HP1BP3: variants seen among roughly 807,000 people sequenced by gnomAD.
HP1BP3 encodes the protein heterochromatin protein 1-binding protein 3.
HP1BP3 carries 12 observed loss-of-function variants against 62.5 expected under a neutral mutation model. That is an observed-to-expected ratio of 0.19 (90% CI 0.12 to 0.31). The LOEUF (loss-of-function observed/expected upper bound fraction) is 0.31. HP1BP3 is among the 10% of genes least tolerant of loss of function. The probability of loss-of-function intolerance (pLI) is 1.00; values close to 1 mark genes in which losing one functional copy is unlikely to be tolerated. For missense variants in HP1BP3, 502 were observed against 651.8 expected (o/e 0.77, Z 2.50); for synonymous variants, 260 against 237.8 (o/e 1.09, Z -0.86).
chr1:20,776,814 A>T, intron 3 of HP1BP3, 64 bp from the exon 4 acceptor site: 1 of 1,435,696 alleles, frequency 7.0e-7, no homozygotes, highest in Non-Finnish European at 9.4e-7. Flanking sequence ...AATAAAAGGT[A>T]AAAGCTTATC....
At chr1:20,745,508 T>G (rs1179361536) in intron 12 of HP1BP3, 35 bp downstream of exon 12, 1 of 1,607,248 alleles carries the variant, frequency 6.2e-7, no homozygotes, top group Non-Finnish European at 8.5e-7. Context: ...AGGTATTTAG[T>G]GTCCTCCCCA....
chr1:20,775,146 G>A (rs2057247252), intron 4 of HP1BP3: 1 of 152,104 alleles, frequency 6.6e-6, no homozygotes, highest in Admixed American at 6.5e-5. Context: ...GCCTCAAGCA[G>A]GTCCTTCAGA....
intron 8 of HP1BP3, among the ~76,000 whole-genome samples, chr1:20,760,637 G>A (rs2056412346): frequency 6.6e-6 from 1 of 151,892 alleles, no homozygotes; most frequent in South Asian, 2.1e-4. Context: ...AGGAATTTGA[G>A]ACCAGCCTGG....
intron 6 of HP1BP3, among the ~76,000 whole-genome samples, chr1:20,769,032 A>T (rs2056926655): frequency 6.6e-6 from 1 of 152,206 alleles, no homozygotes; most frequent in Non-Finnish European, 1.5e-5. Flanking sequence ...GACATGTTAC[A>T]CAACAGGTCC....
chr1:20,760,767 CG>C (rs2056421845), intron 8 of HP1BP3, among the ~76,000 whole-genome samples: 1 of 151,708 alleles, frequency 6.6e-6, no homozygotes, highest in South Asian at 2.1e-4. Context: ...ACCGAGGAGG[CG>C]GAGGTTGCAG....
intron 4 of HP1BP3, chr1:20,775,453 T>G (rs921990577): frequency 7.9e-5 from 12 of 152,216 alleles, no homozygotes; most frequent in African/African-American, 2.4e-4. Flanking sequence ...GTCCGGCTTG[T>G]GTCTTTGTTT....
intron 8 of HP1BP3, among the ~76,000 whole-genome samples, chr1:20,762,293 A>C (rs2056527680): frequency 6.6e-6 from 1 of 152,186 alleles, no homozygotes; most frequent in Admixed American, 6.5e-5. Context: ...CAACCCATCC[A>C]TTATCAGGTA....
At position 20,747,608 on chromosome 1, in the gene HP1BP3, T is replaced by C. The variant is rs776657444; in HGVS notation, c.1189A>G (p.Met397Val). 12 of 1,613,558 alleles carry C rather than the reference T, an allele frequency of 7.4e-6. No homozygotes were observed. In the South Asian group the frequency reaches 9.9e-5, roughly 13 times the overall value. Residue 397 changes from methionine (M) to valine (V), a missense_variant, in exon 11 of 13, where the codon ATG becomes GTG. Met to Val is a conservative substitution (Grantham distance 21, BLOSUM62 1). Transcript: ENST00000438032. The part of the protein sequence containing the change: ...TLQKCEKNGW[M>V]EQISGKGFSG... ...AACCCTTTCCCAGAGATCTGTTCCA[T>C]CCACCCATTCTTTTCGCATTTCTGC... is the stretch of plus-strand genomic sequence containing the variant.
chr1:20,778,142 G>A (rs1400386609), intron 3 of HP1BP3, among the ~76,000 whole-genome samples: 2 of 91,018 alleles, frequency 2.2e-5, no homozygotes, highest in East Asian at 3.2e-4. Context: ...GGGGTTTTAC[G>A]GTAGTAAGAC....
chr1:20,764,906 C>T (rs1033394009), intron 8 of HP1BP3, among the ~76,000 whole-genome samples: 161 of 149,208 alleles, frequency 1.1e-3, no homozygotes, highest in African/African-American at 3.6e-3. Context: ...CAGCGGCTCA[C>T]GCCTGTAATC....
Position 20,780,504 on chromosome 1 carries a change from A to G in HP1BP3, c.-64T>C. 2.6e-6 allele frequency: 3 copies of G among 1,145,606 alleles called. No homozygotes were observed. Among genetic ancestry groups the G allele is most frequent in the Non-Finnish European group, 4.0e-6 (3 of 757,000 alleles). 71.0% of individuals were successfully genotyped at this position (1,145,606 alleles called of 1,614,324 possible). On this transcript the variant is annotated 5_prime_UTR_variant, in exon 2 of 13. Transcript: ENST00000438032. ...GAAGCCTCTGCTGTTAACCACAAGG[A>G]TTTTTCCTAATGGTTTCAGTGTGGT... is the stretch of plus-strand genomic sequence containing the variant.
intron 9 of HP1BP3, among the ~76,000 whole-genome samples, chr1:20,753,087 A>G (rs1329530299): frequency 6.6e-6 from 1 of 152,070 alleles, no homozygotes; most frequent in Non-Finnish European, 1.5e-5. Flanking sequence ...GATTGCAGGC[A>G]TGTGCCACCA....
rs2055220882 is a variant in HP1BP3, at chr1:20,745,018, G to GTGCA, written c.1437_1440dup (p.Pro481CysfsTer3). 1 of 1,614,036 alleles carries GTGCA rather than the reference G, an allele frequency of 6.2e-7. No homozygotes were observed. Among genetic ancestry groups the GTGCA allele is most frequent in the African/African-American group, 1.3e-5 (1 of 74,922 alleles). ...CCCCGCTGGGCAGCTGAGACTTTAG[G>GTGCA]TGCAGGTTTGGACCCTCTCTGCTTC... On this transcript the variant is annotated frameshift_variant, in exon 13 of 13. Coordinates refer to ENST00000438032, the MANE Select transcript of HP1BP3 (RefSeq NM_001372052.1). LOFTEE classifies it high-confidence loss of function.
chr1:20,781,272 A>T (rs1047047181), intron 1 of HP1BP3, among the ~76,000 whole-genome samples: 11 of 150,636 alleles, frequency 7.3e-5, no homozygotes, highest in African/African-American at 2.2e-4. Context: ...CCTCAATATA[A>T]AAAAAAAAGA....
At position 20,750,093 on chromosome 1, in the gene HP1BP3, T is replaced by C. The variant is rs2055614218; in HGVS notation, c.982-211A>G. 4 of 923,748 alleles carry C rather than the reference T, an allele frequency of 4.3e-6. No homozygotes were observed. In the South Asian group the frequency reaches 8.8e-5, roughly 20 times the overall value. The allele number at this position is 923,748 out of a possible 1,614,324, so 57.2% of individuals were successfully genotyped here. A position where few individuals can be genotyped will look rare whatever the true frequency, so the allele number is the denominator to read the frequency against. The stretch of plus-strand genomic sequence containing the variant: ...AACCCTCCTATGGATATTTTCTCCT[T>C]CCATCTACCCTCCATCCACCCTAAA... On this transcript the variant is annotated intron_variant, in intron 9 of 12. Coordinates refer to ENST00000438032, the MANE Select transcript of HP1BP3 (RefSeq NM_001372052.1).
In HP1BP3 at chr1:20,744,717, A is replaced by G; in HGVS notation, c.*80T>C. The G allele has an allele frequency of 7.7e-7, 1 of 1,300,970 alleles. No homozygotes were observed. The highest frequency in any genetic ancestry group is 1.1e-6 in the Non-Finnish European group (1 of 945,508). 80.6% of individuals were successfully genotyped at this position (1,300,970 alleles called of 1,614,324 possible). On this transcript the variant is annotated 3_prime_UTR_variant, in exon 13 of 13. Coordinates refer to ENST00000438032, the MANE Select transcript of HP1BP3 (RefSeq NM_001372052.1). ...AGGAAAATAATGTAATTTGAAAAGC[A>G]TCAAAACTAAACAAATGCACACTGA...
Position 20,744,780 on chromosome 1 carries a change from CT to C in HP1BP3, c.*16del. The C allele has an allele frequency of 1.3e-6, 2 of 1,584,922 alleles. No homozygotes were observed. Among genetic ancestry groups the C allele is most frequent in the Non-Finnish European group, 1.7e-6 (2 of 1,168,012 alleles). ...AGATTTTGAATTTCATCATGATACC[CT>C]TTTTTCCTATAAAATTTACTTTTTC... On this transcript the variant is annotated 3_prime_UTR_variant, in exon 13 of 13. Transcript: ENST00000438032.
intron 11 of HP1BP3, 93 bp from the exon 12 acceptor site, chr1:20,745,749 T>C (rs2055278056): frequency 7.7e-7 from 1 of 1,306,568 alleles, no homozygotes; most frequent in Admixed American, 2.2e-5. Flanking sequence ...CATATCCCAC[T>C]TCTTCCCACC....
At position 20,743,181 on chromosome 1, in the gene HP1BP3, A is replaced by C. The variant is rs2055134158; in HGVS notation, c.*1616T>G. On this transcript the variant is annotated 3_prime_UTR_variant, in exon 13 of 13. Coordinates refer to ENST00000438032, the MANE Select transcript of HP1BP3 (RefSeq NM_001372052.1). ...TTGCTTGATATCAAAAGTGCTGTGG[A>C]AAGAAAGGAGGGGAAAAAAACCCAC... The C allele has an allele frequency of 6.6e-6, 1 of 152,438 alleles. No homozygotes were observed. Among genetic ancestry groups the C allele is most frequent in the African/African-American group, 2.4e-5 (1 of 41,388 alleles). The allele number at this position is 152,438 out of a possible 1,614,324, so 9.4% of individuals were successfully genotyped here.
Sources: gnomAD v4.1 joint callset for allele counts (sites outside exome capture counted in the v4.1 genomes callset) on GRCh38, gnomAD v4.1.1 for gene constraint, MANE v1.5 for transcripts, NCBI Gene and HGNC (gene_info 2026-07-23, HGNC 2026-07-21) for gene names.